COX10: variants seen among roughly 807,000 people sequenced by gnomAD.
COX10 encodes the protein protoheme IX farnesyltransferase, mitochondrial.
A neutral mutation model predicts 37.3 loss-of-function variants in COX10; 27 were observed. That is an observed-to-expected ratio of 0.72 (90% CI 0.53 to 1.00). COX10 has a LOEUF of 1.00. Among genes scored for constraint, COX10 ranks in the 50% least tolerant of loss-of-function variants. COX10 has a pLI of 0.00. For missense variants in COX10, 475 were observed against 563.2 expected (o/e 0.84, Z 1.59); for synonymous variants, 222 against 229.1 (o/e 0.97, Z 0.28).
rs77756356 is a variant in COX10, at chr17:14,072,793, T to C, written c.44-1530T>C. On this transcript the variant is annotated intron_variant, in intron 1 of 6. Transcript: ENST00000261643. ...ATAGTTCTCCTTCCCATAGTCCAGGTGTGCTGTGTGGGCTATCTAGTCATC... is the reference window on the plus strand; with the variant it reads ...ATAGTTCTCCTTCCCATAGTCCAGGCGTGCTGTGTGGGCTATCTAGTCATC... Among the ~76,000 whole-genome samples, 986 of 152,290 alleles carry C rather than the reference T, an allele frequency of 6.5e-3. 11 individuals are homozygous for C. Among genetic ancestry groups the C allele is most frequent in the African/African-American group, 0.022 (905 of 41,566 alleles).
intron 3 of COX10, among the ~76,000 whole-genome samples, chr17:14,080,217 T>G (rs1188135899): frequency 6.8e-6 from 1 of 147,120 alleles, no homozygotes; most frequent in Non-Finnish European, 1.5e-5. Context: ...GAATTAGACT[T>G]TCTTTTTTTT....
intron 3 of COX10, among the ~76,000 whole-genome samples, chr17:14,100,319 G>GC (rs1381016199): frequency 2.0e-5 from 3 of 152,012 alleles, no homozygotes; most frequent in African/African-American, 4.8e-5. Context: ...CTCAGTGATA[G>GC]CCCCCCCAAA....
chr17:14,094,982 T>C (rs1915612175), intron 3 of COX10, among the ~76,000 whole-genome samples: 1 of 152,160 alleles, frequency 6.6e-6, no homozygotes, highest in African/African-American at 2.4e-5. Flanking sequence ...GGGATTTGCA[T>C]AATTGAAGGG....
intron 4 of COX10, among the ~76,000 whole-genome samples, chr17:14,143,707 A>G (rs904608432): frequency 1.3e-5 from 2 of 152,188 alleles, no homozygotes; most frequent in African/African-American, 2.4e-5. Context: ...AACATTTTCA[A>G]CACGTTGAAC....
chr17:14,150,045 G>C (rs1904844638), intron 4 of COX10, among the ~76,000 whole-genome samples: 1 of 152,138 alleles, frequency 6.6e-6, no homozygotes, highest in Non-Finnish European at 1.5e-5. Flanking sequence ...GCTGAGGCGA[G>C]TGGATCACTT....
At chr17:14,073,518 G>A (rs983857332) in intron 1 of COX10, among the ~76,000 whole-genome samples, 1 of 152,174 alleles carries the variant, frequency 6.6e-6, no homozygotes, top group African/African-American at 2.4e-5. Context: ...GATGACTCTA[G>A]AAATGGTTTG....
intron 3 of COX10, among the ~76,000 whole-genome samples, chr17:14,089,323 G>T (rs1915475793): frequency 6.6e-6 from 1 of 152,194 alleles, no homozygotes; most frequent in Non-Finnish European, 1.5e-5. Flanking sequence ...AGACTGACTT[G>T]CCAGCTTGGC....
At chr17:14,156,799 T>C (rs1434128157) in intron 4 of COX10, among the ~76,000 whole-genome samples, 1 of 152,210 alleles carries the variant, frequency 6.6e-6, no homozygotes, top group Non-Finnish European at 1.5e-5. Flanking sequence ...TCAGAGCCCG[T>C]TCTCTGGACT....
chr17:14,165,947 G>A (rs974841595), intron 5 of COX10, among the ~76,000 whole-genome samples: 1 of 152,230 alleles, frequency 6.6e-6, no homozygotes, highest in African/African-American at 2.4e-5. Flanking sequence ...ACTCTCTTCA[G>A]TTTTATGAAG....
In COX10 at chr17:14,102,205, C is replaced by A. The variant is rs104894555; in HGVS notation, c.587C>A (p.Thr196Lys). The change falls in exon 4 of 7, where the codon ACA (threonine) becomes AAA (lysine). Residue 196 changes from threonine to lysine, a missense_variant. Thr to Lys is a moderately conservative substitution (Grantham distance 78). Around this residue, in one of 5 missense-constraint regions of COX10, gnomAD observed 242 missense variants for 242.5 expected, o/e 1.00. Coordinates refer to ENST00000261643, the MANE Select transcript of COX10 (RefSeq NM_001303.4). The stretch of plus-strand genomic sequence containing the variant: ...TGTTTCCTGCTTACTTCTGTTGGGA[C>A]AGGCCTTGCATCCTGTGCTGCCAAC... ...WPCFLLTSVG[T>K]GLASCAANSI... 2 of 1,613,730 alleles carry A rather than the reference C, an allele frequency of 1.2e-6. No individual in the cohort carries two copies. The highest frequency in any genetic ancestry group is 8.5e-7 in the Non-Finnish European group (1 of 1,179,736).
At chr17:14,141,444 G>A (rs1458807733) in intron 4 of COX10, among the ~76,000 whole-genome samples, 1 of 147,612 alleles carries the variant, frequency 6.8e-6, no homozygotes, top group Non-Finnish European at 1.5e-5. Context: ...TGGTAGGATG[G>A]CATAGAGTCC....
chr17:14,125,139 A>G (rs1471693983), intron 4 of COX10, among the ~76,000 whole-genome samples: 1 of 152,168 alleles, frequency 6.6e-6, no homozygotes, highest in Non-Finnish European at 1.5e-5. Context: ...GCACATTGGT[A>G]AAATAACGAC....
intron 5 of COX10, among the ~76,000 whole-genome samples, chr17:14,176,843 G>T (rs1905707199): frequency 6.6e-6 from 1 of 151,902 alleles, no homozygotes; most frequent in South Asian, 2.1e-4. Flanking sequence ...TGTTTCAAAT[G>T]ATGGAGAAAG....
At chr17:14,164,872 G>A (rs1414926308) in intron 5 of COX10, among the ~76,000 whole-genome samples, 1 of 152,198 alleles carries the variant, frequency 6.6e-6, no homozygotes, top group Admixed American at 6.5e-5. Flanking sequence ...CAGGTGATTA[G>A]GATGAAAGAG....
intron 4 of COX10, among the ~76,000 whole-genome samples, chr17:14,139,129 A>C (rs1904467799): frequency 6.6e-6 from 1 of 152,196 alleles, no homozygotes; most frequent in Non-Finnish European, 1.5e-5. Flanking sequence ...GCCCTTAGTA[A>C]ATAGTAACTA....
chr17:14,083,506 C>T (rs748944334), intron 3 of COX10, among the ~76,000 whole-genome samples: 4 of 152,146 alleles, frequency 2.6e-5, no homozygotes, highest in Non-Finnish European at 5.9e-5. Context: ...TTCTTTCCCT[C>T]CTTTTGTTTA....
At chr17:14,173,683 A>G (rs1291333197) in intron 5 of COX10, among the ~76,000 whole-genome samples, 6 of 152,236 alleles carry the variant, frequency 3.9e-5, no homozygotes, top group Non-Finnish European at 5.9e-5. Flanking sequence ...GACCTTGGTC[A>G]GTGTTGTTCT....
chr17:14,083,528 T>C (rs1215734513), intron 3 of COX10, among the ~76,000 whole-genome samples: 1 of 152,214 alleles, frequency 6.6e-6, no homozygotes, highest in African/African-American at 2.4e-5. Flanking sequence ...AGCTGTAATA[T>C]ACGGAGGATA....
chr17:14,117,667 C>T (rs1001791122), intron 4 of COX10, among the ~76,000 whole-genome samples: 50 of 152,244 alleles, frequency 3.3e-4, no homozygotes, highest in African/African-American at 1.2e-3. Flanking sequence ...TGGGCTCTGA[C>T]CCAAAATCTG....
Sources: allele counts gnomAD v4.1 joint callset (sites outside exome capture counted in the v4.1 genomes callset), GRCh38; gene constraint gnomAD v4.1.1; regional missense constraint gnomAD v4.1.1; transcripts MANE v1.5; gene names NCBI Gene and HGNC (gene_info 2026-07-23, HGNC 2026-07-21).